The following GRIP2 variants were observed in gnomAD, a reference collection of about 807,000 sequenced individuals.
The protein encoded by GRIP2 is glutamate receptor interacting protein 2.
Under a neutral mutation model 108.3 loss-of-function variants are expected in GRIP2, and 58 were observed. The observed-to-expected ratio is 0.54, with a 90% CI of 0.43 to 0.67. The LOEUF (loss-of-function observed/expected upper bound fraction) is 0.67. Ranked by LOEUF, GRIP2 falls within the 30% of genes least tolerant of loss-of-function variation. The pLI is 0.00. For synonymous variants in GRIP2, 586 were observed against 598.2 expected, an observed-to-expected ratio of 0.98 and a Z score of 0.30; for missense variants, 1,278 against 1,430.6, an observed-to-expected ratio of 0.89 and a Z score of 1.72.
chr3:14,494,803 C>A (rs1160367197), intron 23 of GRIP2, 40 bp downstream of exon 23: 3 of 1,588,460 alleles, frequency 1.9e-6, no homozygotes, highest in African/African-American at 1.3e-5. Flanking sequence ...GGCTAGGAAA[C>A]AATGCCACCC....
At chr3:14,502,515 G>A (rs1331341968) in intron 21 of GRIP2, among the ~76,000 whole-genome samples, 1 of 151,562 alleles carries the variant, frequency 6.6e-6, no homozygotes, top group African/African-American at 2.4e-5. Flanking sequence ...GAGAGAGAGA[G>A]AGAGAAAATA....
At chr3:14,529,538 G>A (rs4685182) in intron 1 of GRIP2, among the ~76,000 whole-genome samples, 62,667 of 151,930 alleles carry the variant, frequency 0.41, 14,103 homozygotes, top group South Asian at 0.58. Flanking sequence ...ATAATTATTA[G>A]TCTAATACCC....
At position 14,522,661 on chromosome 3, in the gene GRIP2, G is replaced by A. The variant is rs953655639; in HGVS notation, c.566+339C>T. The A allele has an allele frequency of 3.1e-5, 8 of 258,460 alleles. No individual in the cohort carries two copies. The highest frequency in any genetic ancestry group is 5.3e-5 in the Non-Finnish European group (7 of 132,906). The allele number at this position is 258,460 out of a possible 1,614,324, so 16.0% of individuals were successfully genotyped here. A position where few individuals can be genotyped will look rare whatever the true frequency, so the allele number is the denominator to read the frequency against. On this transcript the variant is annotated intron_variant, in intron 6 of 23. Transcript: ENST00000621039. The surrounding 1 kb of genome is among the most constrained non-coding windows in gnomAD (Gnocchi z 4.3). ...ACGGCTACAGCAGTGGCCAATCAGC[G>A]TGCCCCCAAATCTCTCATAGCAACT... is the stretch of plus-strand genomic sequence containing the variant.
chr3:14,523,157 T>A, intron 5 of GRIP2, 82 bp from the exon 6 acceptor site: 1 of 1,033,428 alleles, frequency 9.7e-7, no homozygotes, highest in Non-Finnish European at 1.4e-6. Context: ...CTGAGCAGGC[T>A]CCTTCAATAA....
At chr3:14,539,275 C>T (rs151113901) in intron 1 of GRIP2, among the ~76,000 whole-genome samples, 36 of 152,256 alleles carry the variant, frequency 2.4e-4, no homozygotes, top group Non-Finnish European at 4.1e-4. Flanking sequence ...AGGAAGCTCT[C>T]GACAACAGCC....
Position 14,505,477 on chromosome 3 carries a change from C to T in GRIP2, c.2573+138G>A. 1 of 952,110 alleles carries T rather than the reference C, an allele frequency of 1.1e-6. No individual in the cohort carries two copies. Among genetic ancestry groups the T allele is most frequent in the Non-Finnish European group, 1.6e-6 (1 of 636,322 alleles). The allele number at this position is 952,110 out of a possible 1,614,324, so 59.0% of individuals were successfully genotyped here. On this transcript the variant is annotated intron_variant, in intron 20 of 23. Transcript: ENST00000621039. This position sits in a 1 kb window ranked among gnomAD's most constrained non-coding sequence, Gnocchi z 4.2. ...CTGGCTGAGGTGGCTCTGCTCAGTG[C>T]TTCTCTCCCAGGAGGCACCCCTCCT...
the GRIP2 span, chr3:14,573,604 C>A: frequency 2.0e-6 from 3 of 1,474,914 alleles, no homozygotes; most frequent in East Asian, 6.8e-5. Flanking sequence ...TCACACTCGC[C>A]GTTGGTGCCA....
chr3:14,529,291 A>C (rs1308855447), intron 1 of GRIP2, among the ~76,000 whole-genome samples: 1 of 54,428 alleles, frequency 1.8e-5, no homozygotes, highest in Non-Finnish European at 5.5e-5. Context: ...AAAAAAAAAA[A>C]AAAAAAAAAA....
chr3:14,517,330 A>T, intron 10 of GRIP2, 117 bp from the exon 11 acceptor site: 2 of 1,030,306 alleles, frequency 1.9e-6, no homozygotes, highest in African/African-American at 3.3e-5. Context: ...TTCCCCCTTC[A>T]CATCAGTTAC....
At chr3:14,591,736 G>T in the GRIP2 span, among the ~76,000 whole-genome samples, 1 of 152,186 alleles carries the variant, frequency 6.6e-6, no homozygotes, top group Non-Finnish European at 1.5e-5. Context: ...AAAGCTGTGG[G>T]CCCTCTATCT....
intron 1 of GRIP2, among the ~76,000 whole-genome samples, chr3:14,554,128 C>T (rs921092722): frequency 2.0e-5 from 3 of 152,096 alleles, no homozygotes; most frequent in Non-Finnish European, 2.9e-5. Context: ...CTTCCTCAAT[C>T]GGCACTGCAA....
In GRIP2 at chr3:14,505,893, C is replaced by A. The variant is rs933100168; in HGVS notation, c.2399-104G>T. 9.4e-7 allele frequency: 1 copy of A among 1,066,728 alleles called. No homozygotes were observed. Among genetic ancestry groups the A allele is most frequent in the Non-Finnish European group, 1.3e-6 (1 of 766,142 alleles). 66.1% of individuals were successfully genotyped at this position (1,066,728 alleles called of 1,614,324 possible). On this transcript the variant is annotated intron_variant, in intron 19 of 23. Coordinates refer to ENST00000621039, the MANE Select transcript of GRIP2 (RefSeq NM_001080423.4). This position sits in a 1 kb window ranked among gnomAD's most constrained non-coding sequence, Gnocchi z 4.2. ...AGTGACCCTGGGGAGGTCGTTGCTC[C>A]TCTCTGGGCCTGCATCTACACAGCC...
rs543178586 is a variant in GRIP2, at chr3:14,521,560, G to A, written c.712+82C>T. On this transcript the variant is annotated intron_variant, in intron 7 of 23. Coordinates refer to ENST00000621039, the MANE Select transcript of GRIP2 (RefSeq NM_001080423.4). This position sits in a 1 kb window ranked among gnomAD's most constrained non-coding sequence, Gnocchi z 5.1. ...ATAAGGTCATGCAGCCTTTGCAGTGGTAAAGATCCATGGCCACTGCCACCT... is the reference window on the plus strand; with the variant it reads ...ATAAGGTCATGCAGCCTTTGCAGTGATAAAGATCCATGGCCACTGCCACCT... The A allele has an allele frequency of 7.0e-7, 1 of 1,436,050 alleles. No homozygotes were observed. The highest frequency in any genetic ancestry group is 9.4e-7 in the Non-Finnish European group (1 of 1,067,316). The allele number at this position is 1,436,050 out of a possible 1,614,324, so 89.0% of individuals were successfully genotyped here.
chr3:14,601,500 T>C, the GRIP2 span, among the ~76,000 whole-genome samples: 1 of 152,268 alleles, frequency 6.6e-6, no homozygotes, highest in South Asian at 2.1e-4. Context: ...CTCTCTACCC[T>C]AAAGCTGCTC....
chr3:14,542,690 G>A (rs952377226), upstream of GRIP2, among the ~76,000 whole-genome samples: 1 of 152,214 alleles, frequency 6.6e-6, no homozygotes, highest in Non-Finnish European at 1.5e-5. Context: ...GCTATGCAAT[G>A]TAGGCAGATG....
chr3:14,554,650 C>A (rs2124984389), intron 1 of GRIP2, among the ~76,000 whole-genome samples: 1 of 152,094 alleles, frequency 6.6e-6, no homozygotes, highest in South Asian at 2.1e-4. Flanking sequence ...CCCACGGACA[C>A]CCACCCCCAT....
In GRIP2 at chr3:14,540,182, A is replaced by G; in HGVS notation, c.40+87T>C. ...GGAGTGGCAGTCCCAGGTCTCAGCC[A>G]TCCAGTCCCCTCTCTCTGGGCAGCA... On this transcript the variant is annotated intron_variant, in intron 1 of 23. Transcript: ENST00000621039. The surrounding 1 kb of genome is among the most constrained non-coding windows in gnomAD (Gnocchi z 4.1). 4 of 1,509,828 alleles carry G rather than the reference A, an allele frequency of 2.6e-6. No homozygotes were observed. Among genetic ancestry groups the G allele is most frequent in the Non-Finnish European group, 3.6e-6 (4 of 1,110,530 alleles). 93.5% of individuals were successfully genotyped at this position (1,509,828 alleles called of 1,614,324 possible).
chr3:14,546,709 G>A (rs1365286862), upstream of GRIP2, among the ~76,000 whole-genome samples: 1 of 152,214 alleles, frequency 6.6e-6, no homozygotes, highest in African/African-American at 2.4e-5. Flanking sequence ...ATGCAGAGGT[G>A]TCCCAACTAA....
chr3:14,583,227 G>C, the GRIP2 span, among the ~76,000 whole-genome samples: 1 of 152,194 alleles, frequency 6.6e-6, no homozygotes, highest in Non-Finnish European at 1.5e-5. Context: ...AGCAGCAGGA[G>C]AGACTGACTG....
Sources: gnomAD v4.1 joint callset for allele counts (sites outside exome capture counted in the v4.1 genomes callset) on GRCh38, gnomAD v4.1.1 for gene constraint, Gnocchi (gnomAD v3.1) non-coding constraint, MANE v1.5 for transcripts, NCBI Gene and HGNC (gene_info 2026-07-23, HGNC 2026-07-21) for gene names.